Variants in CAST observed in about 807,000 individuals in gnomAD.
CAST encodes calpastatin.
A neutral mutation model predicts 119.6 loss-of-function variants in CAST; 76 were observed. That is an observed-to-expected ratio of 0.64 (90% confidence interval 0.53 to 0.77). The LOEUF (loss-of-function observed/expected upper bound fraction) is 0.77. Among genes scored for constraint, CAST ranks in the 30% least tolerant of loss-of-function variants. CAST has a pLI of 0.00. For synonymous variants in CAST, 319 were observed against 331.6 expected, an observed-to-expected ratio of 0.96 and a Z score of 0.41; for missense variants, 953 against 946.5, an observed-to-expected ratio of 1.01 and a Z score of -0.09.
chr5:96,283,129 CAAA>C, the CAST span, among the ~76,000 whole-genome samples: 2 of 24,314 alleles, frequency 8.2e-5, no homozygotes, highest in African/African-American at 1.9e-4. Context: ...GACTCCGTCT[CAAA>C]AAAAAAAAAA....
chr5:96,399,085 T>A, the CAST span: 1 of 1,386,386 alleles, frequency 7.2e-7, no homozygotes. Flanking sequence ...CCAAACTTCC[T>A]TGCATTTTAT....
chr5:96,076,367 C>T, the CAST span, among the ~76,000 whole-genome samples: 1 of 152,112 alleles, frequency 6.6e-6, no homozygotes, highest in Non-Finnish European at 1.5e-5. Context: ...CTCTTCTTTC[C>T]TCTAGGCAAC....
the CAST span, among the ~76,000 whole-genome samples, chr5:96,382,200 A>G: frequency 1.3e-5 from 2 of 152,188 alleles, no homozygotes; most frequent in East Asian, 1.9e-4. Flanking sequence ...TTCTGTTCTC[A>G]GCTAGTGTTT....
At chr5:95,967,268 C>T in the CAST span, among the ~76,000 whole-genome samples, 1 of 151,914 alleles carries the variant, frequency 6.6e-6, no homozygotes, top group Non-Finnish European at 1.5e-5. Context: ...TTGTCAGGTG[C>T]AGTTGTGTGA....
At chr5:95,969,186 T>C in the CAST span, among the ~76,000 whole-genome samples, 2 of 152,128 alleles carry the variant, frequency 1.3e-5, no homozygotes, top group African/African-American at 2.4e-5. Context: ...TAAAGATGGA[T>C]TGGGGACAGA....
chr5:96,734,685 C>T (rs749774559), intron 9 of CAST, among the ~76,000 whole-genome samples: 9 of 152,064 alleles, frequency 5.9e-5, no homozygotes, highest in Non-Finnish European at 1.2e-4. Context: ...AGAGTTGGCA[C>T]CTGAGAATGA....
At chr5:95,990,879 C>G in the CAST span, among the ~76,000 whole-genome samples, 1 of 152,052 alleles carries the variant, frequency 6.6e-6, no homozygotes, top group African/African-American at 2.4e-5. Flanking sequence ...ACTAGGATTA[C>G]AGGTGTGAGC....
At chr5:96,293,421 GCACCCAC>G in the CAST span, among the ~76,000 whole-genome samples, 1 of 152,056 alleles carries the variant, frequency 6.6e-6, no homozygotes, top group Non-Finnish European at 1.5e-5. Context: ...GGGATTACAG[GCACCCAC>G]CACCACGCCC....
chr5:96,313,701 C>A, the CAST span, among the ~76,000 whole-genome samples: 37 of 152,140 alleles, frequency 2.4e-4, no homozygotes, highest in Non-Finnish European at 2.9e-5. Flanking sequence ...AACTGCCAAA[C>A]ATTTTCCCAA....
chr5:96,678,228 G>A (rs1363370040), intron 2 of CAST, among the ~76,000 whole-genome samples: 5 of 152,092 alleles, frequency 3.3e-5, no homozygotes, highest in East Asian at 1.9e-4. Context: ...TGAACAAAAC[G>A]TGAGACTAAG....
intron 16 of CAST, chr5:96,743,800 T>C (rs200452261): frequency 2.7e-6 from 3 of 1,117,040 alleles, no homozygotes; most frequent in Non-Finnish European, 3.9e-6. Context: ...GAGATATACA[T>C]TACTTAGAGT....
chr5:96,594,069 A>G (rs1486451012), intron 1 of CAST, among the ~76,000 whole-genome samples: 3 of 152,252 alleles, frequency 2.0e-5, no homozygotes, highest in Admixed American at 6.5e-5. Context: ...GTACAAGGTA[A>G]GCATGTTACA....
chr5:96,304,764 G>A, the CAST span, among the ~76,000 whole-genome samples: 7 of 152,232 alleles, frequency 4.6e-5, no homozygotes, highest in East Asian at 5.8e-4. Context: ...GGTTGTAGAC[G>A]TGTGGTGTTA....
At chr5:96,331,009 C>T in the CAST span, among the ~76,000 whole-genome samples, 2 of 152,040 alleles carry the variant, frequency 1.3e-5, no homozygotes, top group African/African-American at 4.8e-5. Context: ...AATACTAGAT[C>T]AGGAAGTGAC....
At chr5:96,187,399 T>G in the CAST span, among the ~76,000 whole-genome samples, 2 of 152,202 alleles carry the variant, frequency 1.3e-5, no homozygotes, top group Non-Finnish European at 2.9e-5. Context: ...CAGGGTTTGT[T>G]TTCTCTCGGT....
chr5:96,602,662 A>G (rs950185105), intron 1 of CAST, among the ~76,000 whole-genome samples: 3 of 152,310 alleles, frequency 2.0e-5, no homozygotes, highest in Non-Finnish European at 4.4e-5. Flanking sequence ...AGGCAGGAGA[A>G]TCGCTTGAAC....
intron 1 of CAST, among the ~76,000 whole-genome samples, chr5:96,573,078 A>C (rs148572178): frequency 6.6e-6 from 1 of 152,362 alleles, no homozygotes; most frequent in Non-Finnish European, 1.5e-5. Flanking sequence ...GGAGCAATGC[A>C]TGATGTAAGT....
chr5:96,328,399 C>G, the CAST span, among the ~76,000 whole-genome samples: 6 of 149,606 alleles, frequency 4.0e-5, no homozygotes. Flanking sequence ...CTCTCTCTCT[C>G]TCTCTCTCTC....
chr5:96,539,860 G>A (rs1745881313), intron 1 of CAST, among the ~76,000 whole-genome samples: 1 of 152,062 alleles, frequency 6.6e-6, no homozygotes, highest in South Asian at 2.1e-4. Flanking sequence ...AGATGGTTGG[G>A]TTTAAGTCTA....
Sources: allele counts gnomAD v4.1 joint callset (sites outside exome capture counted in the v4.1 genomes callset), GRCh38; gene constraint gnomAD v4.1.1; transcripts MANE v1.5; gene names NCBI Gene and HGNC (gene_info 2026-07-23, HGNC 2026-07-21).